The following CACNG2 variants were observed in gnomAD, a reference collection of about 807,000 sequenced individuals.
The protein encoded by CACNG2 is calcium voltage-gated channel auxiliary subunit gamma 2.
CACNG2 carries 3 observed loss-of-function variants against 25.9 expected under a neutral mutation model. The observed-to-expected ratio is 0.12, with a 90% confidence interval of 0.05 to 0.30. The LOEUF (loss-of-function observed/expected upper bound fraction) is 0.30, where lower values mean the gene tolerates loss of function less well. Among genes scored for constraint, CACNG2 ranks in the 10% least tolerant of loss-of-function variants. CACNG2 has a pLI of 1.00. For synonymous variants in CACNG2, 167 were observed against 173.3 expected, an observed-to-expected ratio of 0.96 and a Z score of 0.29; for missense variants, 341 against 432.5, an observed-to-expected ratio of 0.79 and a Z score of 1.88.
rs142474217 is a variant in CACNG2, at chr22:36,587,535, A to G, written c.225T>C (p.Gly75=). 184 of 1,613,064 alleles carry G rather than the reference A, an allele frequency of 1.1e-4. No individual in the cohort carries two copies. In the East Asian group the frequency reaches 2.3e-3, roughly 21 times the overall value. Residue 75 remains glycine, a synonymous_variant, in exon 2 of 4, where the codon GGT becomes GGC. Coordinates refer to ENST00000300105, the MANE Select transcript of CACNG2 (RefSeq NM_006078.5). ...GGAAGTGATCAATTTGCTTGCACAGACCTTTGAAATTCCCTGCAAAACAAG... is the reference window on the plus strand; with the variant it reads ...GGAAGTGATCAATTTGCTTGCACAGGCCTTTGAAATTCCCTGCAAAACAAG... ...RTCCLEGNFK[G]LCKQIDHFPE... is the part of the protein sequence containing the mutation.
At chr22:36,646,827 G>A (rs1426775406) in intron 1 of CACNG2, among the ~76,000 whole-genome samples, 1 of 144,062 alleles carries the variant, frequency 6.9e-6, no homozygotes, top group Non-Finnish European at 1.5e-5. Flanking sequence ...TTTATGTTTT[G>A]AGATTTCTCA....
At chr22:36,671,180 G>T (rs1936944213) in intron 1 of CACNG2, among the ~76,000 whole-genome samples, 1 of 152,152 alleles carries the variant, frequency 6.6e-6, no homozygotes, top group South Asian at 2.1e-4. Context: ...GCCTCCCAAA[G>T]TGCTGGGATT....
At chr22:36,614,307 C>G (rs115015919) in intron 1 of CACNG2, among the ~76,000 whole-genome samples, 1 of 152,154 alleles carries the variant, frequency 6.6e-6, no homozygotes, top group Non-Finnish European at 1.5e-5. Context: ...TCTGCCCACC[C>G]CTGGATACTC....
chr22:36,587,614 G>T, intron 1 of CACNG2, 66 bp from the exon 2 acceptor site: 2 of 1,086,054 alleles, frequency 1.8e-6, no homozygotes, highest in South Asian at 1.2e-5. Context: ...GGGCCCACCT[G>T]CCTCTTCCCA....
At chr22:36,578,773 G>A (rs573901691) in intron 2 of CACNG2, among the ~76,000 whole-genome samples, 53 of 152,250 alleles carry the variant, frequency 3.5e-4, no homozygotes, top group African/African-American at 1.1e-3. Context: ...GCCCTAGGGC[G>A]GGCGGTACCT....
intron 1 of CACNG2, among the ~76,000 whole-genome samples, chr22:36,657,974 C>T (rs1936732936): frequency 6.6e-6 from 1 of 152,098 alleles, no homozygotes; most frequent in African/African-American, 2.4e-5. Context: ...GAAGTGGGCA[C>T]AGGCTTTGTG....
chr22:36,564,985 T>C lies in CACNG2; in HGVS notation c.437-99A>G, dbSNP rs1935102418. 1 of 1,091,390 alleles carries C rather than the reference T, an allele frequency of 9.2e-7. No homozygotes were observed. Among genetic ancestry groups the C allele is most frequent in the African/African-American group, 1.5e-5 (1 of 65,210 alleles). The allele number at this position is 1,091,390 out of a possible 1,614,324, so 67.6% of individuals were successfully genotyped here. A position where few individuals can be genotyped will look rare whatever the true frequency, so the allele number is the denominator to read the frequency against. On this transcript the variant is annotated intron_variant, in intron 3 of 3. Coordinates refer to ENST00000300105, the MANE Select transcript of CACNG2 (RefSeq NM_006078.5). The surrounding 1 kb of genome is among the most constrained non-coding windows in gnomAD (Gnocchi z 6.7). The stretch of plus-strand genomic sequence containing the variant: ...CAGCCGTAAAGGACGGGGACAGCTG[T>C]GTGGGCCTTCCCCGGTCCCGCGCCT...
chr22:36,676,829 C>T (rs1601450314), intron 1 of CACNG2, among the ~76,000 whole-genome samples: 1 of 152,166 alleles, frequency 6.6e-6, no homozygotes, highest in South Asian at 2.1e-4. Context: ...TGCCTGGGAA[C>T]ATCTGCTGGA....
At chr22:36,590,780 A>T (rs1027547606) in intron 1 of CACNG2, among the ~76,000 whole-genome samples, 1 of 151,910 alleles carries the variant, frequency 6.6e-6, no homozygotes, top group Non-Finnish European at 1.5e-5. Context: ...CAACATCTCT[A>T]ACAAAGCCTG....
At chr22:36,623,131 C>T (rs1936134408) in intron 1 of CACNG2, among the ~76,000 whole-genome samples, 1 of 148,982 alleles carries the variant, frequency 6.7e-6, no homozygotes, top group African/African-American at 2.5e-5. Flanking sequence ...AGAGATTCTC[C>T]TGCCTCAGCC....
chr22:36,591,029 TG>T (rs71676061), intron 1 of CACNG2, among the ~76,000 whole-genome samples: 12,862 of 151,360 alleles, frequency 0.085, 1,063 homozygotes, highest in African/African-American at 0.22. Context: ...TGCTCTATGT[TG>T]GGGGGAGATA....
rs560415422 is a variant in CACNG2 at position 36,577,379 on chromosome 22, C to T, written c.295+10086G>A. Among the ~76,000 whole-genome samples, 24 of 152,142 alleles carry T rather than the reference C, an allele frequency of 1.6e-4. No homozygotes were observed. The South Asian group carries it at 4.0e-3, about 25-fold the overall frequency. ...TAAAGAAATGAACCGGGGCCGGGCG[C>T]GGTGGTTCACACCTGTAATCCCAGC... On this transcript the variant is annotated intron_variant, in intron 2 of 3. Transcript: ENST00000300105.
intron 1 of CACNG2, among the ~76,000 whole-genome samples, chr22:36,650,027 C>G (rs1260953579): frequency 6.6e-6 from 1 of 152,208 alleles, no homozygotes; most frequent in Non-Finnish European, 1.5e-5. Context: ...TATCCCAGTC[C>G]ACACCACCAC....
chr22:36,607,254 T>G (rs923125150), intron 1 of CACNG2, among the ~76,000 whole-genome samples: 1 of 152,090 alleles, frequency 6.6e-6, no homozygotes, highest in Non-Finnish European at 1.5e-5. Context: ...GTCTTGGCCC[T>G]TTTCTTTTTT....
chr22:36,622,688 G>A (rs979602331), intron 1 of CACNG2, among the ~76,000 whole-genome samples: 7 of 152,170 alleles, frequency 4.6e-5, no homozygotes, highest in African/African-American at 9.7e-5. Context: ...GCTGGGCGCG[G>A]TGGCTCACGC....
chr22:36,697,094 G>A (rs1357512466), intron 1 of CACNG2, among the ~76,000 whole-genome samples: 1 of 152,200 alleles, frequency 6.6e-6, no homozygotes, highest in Admixed American at 6.5e-5. Flanking sequence ...GCTCCAAAAT[G>A]AAAGGACAAA....
At position 36,563,577 on chromosome 22, in the gene CACNG2, G is replaced by A. The variant is rs1319430030; in HGVS notation, c.*774C>T. Among the ~76,000 whole-genome samples, 1 of 152,110 alleles carries A rather than the reference G, an allele frequency of 6.6e-6. No individual in the cohort carries two copies. Among genetic ancestry groups the A allele is most frequent in the Non-Finnish European group, 1.5e-5 (1 of 67,984 alleles). On this transcript the variant is annotated 3_prime_UTR_variant, in exon 4 of 4. Transcript: ENST00000300105. ...ACCTGGGGCCAGGCAAGCCCCAAGT[G>A]TACCCCCCTCCAGGCACCCTAACGG...
intron 1 of CACNG2, among the ~76,000 whole-genome samples, chr22:36,660,376 A>C (rs6000372): frequency 0.1 from 15,776 of 152,304 alleles, 2,713 homozygotes; most frequent in African/African-American, 0.36. Flanking sequence ...TCAGCCCTCC[A>C]GTGCCAGGCG....
intron 1 of CACNG2, among the ~76,000 whole-genome samples, chr22:36,608,812 C>G (rs1935881215): frequency 6.6e-6 from 1 of 151,512 alleles, no homozygotes. Context: ...TTCACAGTTT[C>G]TTGTGAGGGT....
Sources: gnomAD v4.1 joint callset for allele counts (sites outside exome capture counted in the v4.1 genomes callset) on GRCh38, gnomAD v4.1.1 for gene constraint, Gnocchi (gnomAD v3.1) non-coding constraint, MANE v1.5 for transcripts, NCBI Gene and HGNC (gene_info 2026-07-23, HGNC 2026-07-21) for gene names.